ZNF804A: variants seen among roughly 807,000 people sequenced by gnomAD.
The protein encoded by ZNF804A is zinc finger protein 804A.
ZNF804A carries 2 observed loss-of-function variants against 16.5 expected under a neutral mutation model. That is an observed-to-expected ratio of 0.12 (90% CI 0.05 to 0.38). ZNF804A has a LOEUF of 0.38. Among genes scored for constraint, ZNF804A ranks in the 10% least tolerant of loss-of-function variants. ZNF804A has a pLI of 0.99. For missense variants in ZNF804A, 1,473 were observed against 1,390.7 expected (o/e 1.06, Z -0.94); for synonymous variants, 534 against 489.6 (o/e 1.09, Z -1.20).
At chr2:184,799,254 T>G (rs1035969941) in intron 1 of ZNF804A, among the ~76,000 whole-genome samples, 6 of 152,142 alleles carry the variant, frequency 3.9e-5, no homozygotes, top group Non-Finnish European at 8.8e-5. Context: ...CAGTCAGAGC[T>G]GCAATCTAGT....
intron 1 of ZNF804A, among the ~76,000 whole-genome samples, chr2:184,815,369 A>C (rs982537508): frequency 2.6e-5 from 4 of 152,010 alleles, no homozygotes; most frequent in Non-Finnish European, 5.9e-5. Flanking sequence ...TGTTATTTTA[A>C]AATGTTGGAC....
At chr2:184,658,821 A>G (rs2105704906) in intron 1 of ZNF804A, among the ~76,000 whole-genome samples, 1 of 152,340 alleles carries the variant, frequency 6.6e-6, no homozygotes, top group South Asian at 2.1e-4. Context: ...GTTTTCAGGC[A>G]AAGAATGTTT....
At chr2:184,735,654 A>C (rs1341821555) in intron 1 of ZNF804A, among the ~76,000 whole-genome samples, 1 of 152,222 alleles carries the variant, frequency 6.6e-6, no homozygotes, top group African/African-American at 2.4e-5. Context: ...CTCAATGTTG[A>C]AGGTAAAAAA....
intron 1 of ZNF804A, among the ~76,000 whole-genome samples, chr2:184,681,701 C>A (rs1360762296): frequency 6.6e-6 from 1 of 152,174 alleles, no homozygotes; most frequent in Non-Finnish European, 1.5e-5. Context: ...GAAGTGCAGC[C>A]CGGACTGTGC....
intron 2 of ZNF804A, among the ~76,000 whole-genome samples, chr2:184,921,705 A>G (rs779734473): frequency 1.3e-5 from 2 of 152,140 alleles, no homozygotes; most frequent in Non-Finnish European, 2.9e-5. Context: ...TTTGTGCTCA[A>G]AAATACTAGG....
chr2:184,903,751 T>C (rs1685222993), intron 2 of ZNF804A, among the ~76,000 whole-genome samples: 1 of 152,158 alleles, frequency 6.6e-6, no homozygotes. Flanking sequence ...CAGTACATAG[T>C]TAATGTATAC....
chr2:184,790,464 T>C (rs1694520977), intron 1 of ZNF804A, among the ~76,000 whole-genome samples: 1 of 152,094 alleles, frequency 6.6e-6, no homozygotes, highest in Non-Finnish European at 1.5e-5. Context: ...TATTATTTTA[T>C]TACTATCAAT....
At chr2:184,728,774 A>C (rs1376340831) in intron 1 of ZNF804A, among the ~76,000 whole-genome samples, 2 of 151,960 alleles carry the variant, frequency 1.3e-5, no homozygotes, top group African/African-American at 4.8e-5. Flanking sequence ...AAATAATAAC[A>C]GTGTGTTAGT....
At chr2:184,898,329 A>C (rs1424387416) in intron 2 of ZNF804A, among the ~76,000 whole-genome samples, 1 of 152,132 alleles carries the variant, frequency 6.6e-6, no homozygotes, top group Non-Finnish European at 1.5e-5. Context: ...ACAGTGATGA[A>C]CAGTGAAGAA....
intron 1 of ZNF804A, among the ~76,000 whole-genome samples, chr2:184,847,518 G>A (rs558730478): frequency 2.0e-5 from 3 of 152,108 alleles, no homozygotes; most frequent in African/African-American, 4.8e-5. Flanking sequence ...AGAAACAGTC[G>A]CCCTCTTGCC....
chr2:184,806,894 G>C (rs1266674973), intron 1 of ZNF804A, among the ~76,000 whole-genome samples: 2 of 151,620 alleles, frequency 1.3e-5, no homozygotes, highest in Non-Finnish European at 3.0e-5. Flanking sequence ...GTATATTAAA[G>C]TCTTTATTTA....
intron 1 of ZNF804A, among the ~76,000 whole-genome samples, chr2:184,672,486 A>G (rs1427170554): frequency 6.6e-6 from 1 of 152,342 alleles, no homozygotes; most frequent in Non-Finnish European, 1.5e-5. Flanking sequence ...CCAGATACAT[A>G]TATCCTAACA....
intron 1 of ZNF804A, among the ~76,000 whole-genome samples, chr2:184,848,118 C>G (rs143995660): frequency 6.6e-6 from 1 of 151,878 alleles, no homozygotes; most frequent in African/African-American, 2.4e-5. Flanking sequence ...GGAGTGAGAT[C>G]GAAAGTTCCA....
intron 1 of ZNF804A, among the ~76,000 whole-genome samples, chr2:184,729,458 C>T (rs1281312639): frequency 6.6e-6 from 1 of 151,766 alleles, no homozygotes; most frequent in Non-Finnish European, 1.5e-5. Context: ...TGAAATGGAA[C>T]CCATGATTTC....
intron 1 of ZNF804A, among the ~76,000 whole-genome samples, chr2:184,824,931 G>T (rs918922188): frequency 3.3e-5 from 5 of 152,066 alleles, no homozygotes; most frequent in Non-Finnish European, 1.5e-5. Context: ...CCTACTCTTA[G>T]AAGTCCTATG....
intron 1 of ZNF804A, among the ~76,000 whole-genome samples, chr2:184,705,318 T>C (rs770570280): frequency 2.6e-5 from 4 of 152,174 alleles, no homozygotes; most frequent in Non-Finnish European, 5.9e-5. Context: ...GGAGTGACTA[T>C]GAAAAGGTAC....
At chr2:184,817,886 C>T (rs553503517) in intron 1 of ZNF804A, among the ~76,000 whole-genome samples, 2 of 152,018 alleles carry the variant, frequency 1.3e-5, no homozygotes, top group South Asian at 2.1e-4. Flanking sequence ...ACAAACAAAA[C>T]CTCTGAGAAA....
chr2:184,846,385 TA>T (rs1245855204), intron 1 of ZNF804A, among the ~76,000 whole-genome samples: 1 of 152,162 alleles, frequency 6.6e-6, no homozygotes, highest in East Asian at 1.9e-4. Flanking sequence ...GGCCAATGCC[TA>T]TACATATAAG....
chr2:184,847,774 C>T (rs571093880), intron 1 of ZNF804A, among the ~76,000 whole-genome samples: 1 of 152,026 alleles, frequency 6.6e-6, no homozygotes, highest in African/African-American at 2.4e-5. Flanking sequence ...ACCATTGGCT[C>T]TAAATTGGGA....
Sources: allele counts gnomAD v4.1 joint callset (sites outside exome capture counted in the v4.1 genomes callset), GRCh38; gene constraint gnomAD v4.1.1; transcripts MANE v1.5; gene names NCBI Gene and HGNC (gene_info 2026-07-23, HGNC 2026-07-21).